WDR55: variants seen among roughly 807,000 people sequenced by gnomAD.
The protein encoded by WDR55 is WD repeat-containing protein 55.
WDR55 carries 31 observed loss-of-function variants against 34.0 expected under a neutral mutation model. The ratio of observed to expected loss-of-function variants is 0.91; its 90% CI spans 0.69 to 1.23. The LOEUF is 1.23. WDR55 is among the 50% of genes most tolerant of loss of function. The pLI, the probability that WDR55 is intolerant of heterozygous loss-of-function variation, is 0.00. For missense variants in WDR55, 440 were observed against 494.6 expected, an observed-to-expected ratio of 0.89 and a Z score of 1.05; for synonymous variants, 164 against 185.9, an observed-to-expected ratio of 0.88 and a Z score of 0.96.
rs993100677 is a variant in WDR55 at position 140,669,629 on chromosome 5, A to G, written c.1127A>G (p.Glu376Gly). ...GEDSMAQEEK[E>G]ETGDDSD ...GACTCCATGGCTCAGGAAGAAAAGGAGGAGACTGGGGATGACAGTGACTGA... is the reference window on the plus strand; with the variant it reads ...GACTCCATGGCTCAGGAAGAAAAGGGGGAGACTGGGGATGACAGTGACTGA... The change falls in exon 7 of 7, where the codon GAG (glutamate) becomes GGG (glycine). Residue 376 changes from glutamate (E) to glycine (G), a missense_variant. Coordinates refer to ENST00000358337, the MANE Select transcript of WDR55 (RefSeq NM_017706.5). 2 of 1,613,686 alleles carry G rather than the reference A, an allele frequency of 1.2e-6. No homozygotes were observed. The highest frequency in any genetic ancestry group is 3.3e-5 in the Admixed American group (2 of 59,934).
At chr5:140,666,745 T>C in intron 1 of WDR55, 1 of 985,476 alleles carries the variant, frequency 1.0e-6, no homozygotes, top group Non-Finnish European at 1.2e-6. Context: ...TCTATTATTG[T>C]GTACATGTAC....
At chr5:140,668,009 A>G in intron 1 of WDR55, 1 of 425,856 alleles carries the variant, frequency 2.3e-6, no homozygotes, top group South Asian at 4.3e-5. Flanking sequence ...TCACAAAGAA[A>G]TCTTGCGCAA....
intron 1 of WDR55, chr5:140,666,544 T>A: frequency 2.2e-6 from 2 of 911,060 alleles, no homozygotes; most frequent in Non-Finnish European, 2.6e-6. Flanking sequence ...ACCTGTTAGA[T>A]GCTGCCATGG....
chr5:140,668,580 T>A (rs753555227), intron 3 of WDR55, 32 bp from the exon 4 acceptor site: 2 of 1,610,562 alleles, frequency 1.2e-6, no homozygotes, highest in Admixed American at 3.3e-5. Context: ...GGGACAGAGA[T>A]GCTCCAAGAA....
At position 140,671,231 on chromosome 5, in the gene WDR55, G is replaced by T; in HGVS notation, c.*1577G>T. ...CAGAAAGTGGCCACCCAGGCCTGCT[G>T]GGATGGGGCCTGACACAGGCTCTGC... is the stretch of plus-strand genomic sequence containing the variant. On this transcript the variant is annotated 3_prime_UTR_variant, in exon 7 of 7. Transcript: ENST00000358337. 1 of 1,603,618 alleles carries T rather than the reference G, an allele frequency of 6.2e-7. No individual in the cohort carries two copies. Among genetic ancestry groups the T allele is most frequent in the African/African-American group, 1.3e-5 (1 of 74,902 alleles).
rs897758127 is a variant in WDR55, at chr5:140,669,779, G to C, written c.*125G>C. On this transcript the variant is annotated 3_prime_UTR_variant, in exon 7 of 7. Transcript: ENST00000358337. ...GGGTTTTGCCATCGTCCAGGCTGGAGTGCGCTGGCTTGATCTTGGCTCACT... is the reference window on the plus strand; with the variant it reads ...GGGTTTTGCCATCGTCCAGGCTGGACTGCGCTGGCTTGATCTTGGCTCACT... 25 of 1,011,060 alleles carry C rather than the reference G, an allele frequency of 2.5e-5. No homozygotes were observed. The East Asian group carries it at 6.3e-4, about 25-fold the overall frequency. The allele number at this position is 1,011,060 out of a possible 1,614,324, so 62.6% of individuals were successfully genotyped here.
chr5:140,667,862 T>A (rs1434168905), intron 1 of WDR55: 2 of 167,652 alleles, frequency 1.2e-5, no homozygotes, highest in Admixed American at 1.2e-4. Context: ...CTGCTCTACC[T>A]TACTGATTTT....
At position 140,671,595 on chromosome 5, in the gene WDR55, C is replaced by T; in HGVS notation, c.*1941C>T. On this transcript the variant is annotated 3_prime_UTR_variant, in exon 7 of 7. Transcript: ENST00000358337. ...AGCAACTGCAGGGTAGCCCGAGCCC[C>T]TTGGAACCCTAACTTGTCCCTTGCC... The T allele has an allele frequency of 1.9e-6, 3 of 1,570,608 alleles. No homozygotes were observed. Among genetic ancestry groups the T allele is most frequent in the South Asian group, 2.3e-5 (2 of 85,922 alleles).
At chr5:140,665,256 C>T (rs1212082423) in intron 1 of WDR55, among the ~76,000 whole-genome samples, 153 bp downstream of exon 1, 3 of 152,214 alleles carry the variant, frequency 2.0e-5, no homozygotes, top group African/African-American at 7.2e-5. Flanking sequence ...TCTATCACAC[C>T]AATCTGTTGA....
At position 140,670,954 on chromosome 5, in the gene WDR55, G is replaced by A. The variant is rs1341714606; in HGVS notation, c.*1300G>A. On this transcript the variant is annotated 3_prime_UTR_variant, in exon 7 of 7. Coordinates refer to ENST00000358337, the MANE Select transcript of WDR55 (RefSeq NM_017706.5). ...CCCACAAATAAAAACCAACAAAGAG[G>A]ACAAATCAGGACAATAAAGAAGATT... 2.3e-5 allele frequency: 8 copies of A among 347,034 alleles called. No homozygotes were observed. Among genetic ancestry groups the A allele is most frequent in the Non-Finnish European group, 4.3e-5 (8 of 187,660 alleles). The allele number at this position is 347,034 out of a possible 1,614,324, so 21.5% of individuals were successfully genotyped here. A position where few individuals can be genotyped will look rare whatever the true frequency, so the allele number is the denominator to read the frequency against.
rs759003755 is a variant in WDR55, at chr5:140,671,418, C to A, written c.*1764C>A. 8.1e-6 allele frequency: 13 copies of A among 1,612,058 alleles called. No homozygotes were observed. Among genetic ancestry groups the A allele is most frequent in the Admixed American group, 1.7e-5 (1 of 60,002 alleles). On this transcript the variant is annotated 3_prime_UTR_variant, in exon 7 of 7. Transcript: ENST00000358337. ...TTGGCCACCTCATGCCCATCCCGGC[C>A]ATCTAGGGTCAGCACAACCCAGATG...
Position 140,665,087 on chromosome 5 carries a change from G to A in WDR55, c.175G>A (p.Asp59Asn). 1 of 1,601,186 alleles carries A rather than the reference G, an allele frequency of 6.2e-7. No individual in the cohort carries two copies. Among genetic ancestry groups the A allele is most frequent in the South Asian group, 1.1e-5 (1 of 89,256 alleles). The part of the protein sequence containing the change: ...ARDLLAAGDV[D>N]GDVFVFSYSC... The stretch of plus-strand genomic sequence containing the variant: ...TGACCTACTGGCTGCAGGGGACGTG[G>A]ACGGGGACGTGTTCGTGTGAGAGCG... The change falls in exon 1 of 7, where the codon GAC becomes AAC. Residue 59 changes from aspartate (D) to asparagine (N), a missense_variant. Coordinates refer to ENST00000358337, the MANE Select transcript of WDR55 (RefSeq NM_017706.5).
chr5:140,668,504 T>C lies in WDR55; in HGVS notation c.380+2T>C. 1 of 1,613,878 alleles carries C rather than the reference T, an allele frequency of 6.2e-7. No individual in the cohort carries two copies. Among genetic ancestry groups the C allele is most frequent in the Non-Finnish European group, 8.5e-7 (1 of 1,179,876 alleles). ...AAGACGTGTTTCCAAGGCTCATGGGTAAGGAGAGCAGCCAATTCTGTGTAT... is the reference window on the plus strand; with the variant it reads ...AAGACGTGTTTCCAAGGCTCATGGGCAAGGAGAGCAGCCAATTCTGTGTAT... On this transcript the variant is annotated splice_donor_variant, in intron 3 of 6. Transcript: ENST00000358337. LOFTEE classifies it high-confidence loss of function.
intron 1 of WDR55, among the ~76,000 whole-genome samples, 178 bp downstream of exon 1, chr5:140,665,281 C>G (rs1011138126): frequency 6.6e-6 from 1 of 152,244 alleles, no homozygotes; most frequent in Non-Finnish European, 1.5e-5. Flanking sequence ...ACTGGAATGT[C>G]GTGACAGAGC....
chr5:140,671,348 C>G lies in WDR55; in HGVS notation c.*1694C>G, dbSNP rs1297867018. The G allele has an allele frequency of 6.2e-7, 1 of 1,612,872 alleles. No individual in the cohort carries two copies. The highest frequency in any genetic ancestry group is 1.7e-5 in the Admixed American group (1 of 60,024). ...CCCAGCAGACCACAGGAGGTTGGCC[C>G]CAGACTCACTGAGTGCCTGCAGCAG... On this transcript the variant is annotated 3_prime_UTR_variant, in exon 7 of 7. Transcript: ENST00000358337.
rs780977581 is a variant in WDR55, at chr5:140,665,047, G to A, written c.135G>A (p.Ala45=). The A allele has an allele frequency of 2.5e-6, 4 of 1,613,320 alleles. No homozygotes were observed. The South Asian group carries it at 3.3e-5, about 13-fold the overall frequency. ...IVLEAPASGL[A]FHPARDLLAA... ...TGGAAGCTCCGGCTAGTGGGCTGGC[G>A]TTCCATCCGGCCCGTGACCTACTGG... Residue 45 remains alanine, a synonymous_variant, in exon 1 of 7, where the codon GCG becomes GCA. Transcript: ENST00000358337.
chr5:140,669,923 G>A lies in WDR55; in HGVS notation c.*269G>A, dbSNP rs1418911936. 2.8e-6 allele frequency: 1 copy of A among 358,430 alleles called. No individual in the cohort carries two copies. The highest frequency in any genetic ancestry group is 3.8e-5 in the South Asian group (1 of 26,614). The allele number at this position is 358,430 out of a possible 1,614,324, so 22.2% of individuals were successfully genotyped here. ...TTTGTTTTTTTTTTTTGGTAGAAAC[G>A]GGTCTGTTTTGCCCAGGCTGGTCTT... On this transcript the variant is annotated 3_prime_UTR_variant, in exon 7 of 7. Coordinates refer to ENST00000358337, the MANE Select transcript of WDR55 (RefSeq NM_017706.5).
At position 140,671,719 on chromosome 5, in the gene WDR55, A is replaced by G. The variant is rs141336765; in HGVS notation, c.*2065A>G. 9.8e-5 allele frequency: 155 copies of G among 1,581,402 alleles called. No homozygotes were observed. In the African/African-American group the frequency reaches 1.9e-3, roughly 20 times the overall value. On this transcript the variant is annotated 3_prime_UTR_variant, in exon 7 of 7. Transcript: ENST00000358337. ...TCAGGTCTGGCTTGAGCCACTCCACAGCCACCTGCTCTCCACAGAGGTGTG... is the reference window on the plus strand; with the variant it reads ...TCAGGTCTGGCTTGAGCCACTCCACGGCCACCTGCTCTCCACAGAGGTGTG...
In WDR55 at chr5:140,671,807, G is replaced by T; in HGVS notation, c.*2153G>T. 1 of 1,534,916 alleles carries T rather than the reference G, an allele frequency of 6.5e-7. No homozygotes were observed. Among genetic ancestry groups the T allele is most frequent in the Non-Finnish European group, 8.8e-7 (1 of 1,132,204 alleles). On this transcript the variant is annotated 3_prime_UTR_variant, in exon 7 of 7. Coordinates refer to ENST00000358337, the MANE Select transcript of WDR55 (RefSeq NM_017706.5). ...CTAAACCCTGGGCCCAAGCCTCCAG[G>T]TGGTGAGCCCTTTGGAGCTACACAG...
Sources: allele counts gnomAD v4.1 joint callset (sites outside exome capture counted in the v4.1 genomes callset), GRCh38; gene constraint gnomAD v4.1.1; transcripts MANE v1.5; gene names NCBI Gene and HGNC (gene_info 2026-07-23, HGNC 2026-07-21).